The following KAZN variants were observed in gnomAD, a reference collection of about 807,000 sequenced individuals.
KAZN encodes kazrin.
In KAZN, 40 loss-of-function variants were observed where a neutral mutation model predicts 87.4. The ratio of observed to expected loss-of-function variants is 0.46; its 90% CI spans 0.36 to 0.60. KAZN has a LOEUF of 0.60. Among genes scored for constraint, KAZN ranks in the 20% least tolerant of loss-of-function variants. The pLI is 0.00. For synonymous variants in KAZN, 466 were observed against 458.3 expected (o/e 1.02, Z -0.22); for missense variants, 898 against 1,073.9 (o/e 0.84, Z 2.29).
At chr1:14,926,937 G>A (rs909517641) in intron 1 of KAZN, among the ~76,000 whole-genome samples, 1 of 152,168 alleles carries the variant, frequency 6.6e-6, no homozygotes, top group African/African-American at 2.4e-5. Context: ...TGGTGGGATG[G>A]AGGCCCGAAC....
chr1:14,474,957 T>C lies in KAZN; in HGVS notation c.250-124026T>C, dbSNP rs140154493. On this transcript the variant is annotated intron_variant, in intron 2 of 16. Transcript: ENST00000636203. ...TCATCAATGGATAGTGGGTGGATAT[T>C]GGATGGATGGATAGATGGATGAATG... is the stretch of plus-strand genomic sequence containing the variant. Among the ~76,000 whole-genome samples, 56 of 152,180 alleles carry C rather than the reference T, an allele frequency of 3.7e-4. 1 individual carries two copies. The East Asian group carries it at 0.011, about 29-fold the overall frequency.
chr1:14,364,942 T>C (rs1013586077), intron 2 of KAZN, among the ~76,000 whole-genome samples: 3 of 152,142 alleles, frequency 2.0e-5, no homozygotes, highest in Admixed American at 6.5e-5. Context: ...AGGTTCTGAC[T>C]ATGTTGGCCA....
intron 1 of KAZN, among the ~76,000 whole-genome samples, chr1:14,048,070 T>C (rs537355152): frequency 1.1e-4 from 17 of 152,286 alleles, no homozygotes; most frequent in African/African-American, 3.8e-4. Context: ...TCTCCAGCTG[T>C]GTGATCTGGA....
chr1:14,161,598 TG>T (rs1645711089), intron 1 of KAZN, among the ~76,000 whole-genome samples: 1 of 152,194 alleles, frequency 6.6e-6, no homozygotes, highest in South Asian at 2.1e-4. Flanking sequence ...AGACGTCAAA[TG>T]GACATTTCCA....
At chr1:13,998,233 A>G (rs1639616409) in intron 1 of KAZN, among the ~76,000 whole-genome samples, 1 of 152,192 alleles carries the variant, frequency 6.6e-6, no homozygotes, top group African/African-American at 2.4e-5. Context: ...AGCTCTAAAC[A>G]TGGAAAGGAA....
intron 1 of KAZN, among the ~76,000 whole-genome samples, chr1:14,741,062 C>T (rs562114900): frequency 6.6e-6 from 1 of 152,288 alleles, no homozygotes; most frequent in Admixed American, 6.5e-5. Flanking sequence ...TGCCCTCACT[C>T]TCTCCCTTGT....
At position 14,774,129 on chromosome 1, in the gene KAZN, G is replaced by A. The variant is rs115357122; in HGVS notation, c.226+174906G>A. On this transcript the variant is annotated intron_variant, in intron 1 of 14. Coordinates refer to ENST00000376030, the MANE Select transcript of KAZN (RefSeq NM_201628.3). ...AGCTCTTACCTCTTCCCTAAGCCTC[G>A]ACTTCTCTTTCTCTTCTCTCTCACC... Among the ~76,000 whole-genome samples, 1,040 of 152,168 alleles carry A rather than the reference G, an allele frequency of 6.8e-3. 7 individuals are homozygous for A. The highest frequency in any genetic ancestry group is 0.024 in the African/African-American group (989 of 41,518).
intron 1 of KAZN, among the ~76,000 whole-genome samples, chr1:13,996,537 T>C (rs1344239035): frequency 6.6e-6 from 1 of 152,208 alleles, no homozygotes; most frequent in East Asian, 1.9e-4. Context: ...CTGGATGGCT[T>C]GGTCCCAAGA....
intron 1 of KAZN, among the ~76,000 whole-genome samples, chr1:14,821,112 G>A (rs1646725890): frequency 6.6e-6 from 1 of 152,194 alleles, no homozygotes; most frequent in South Asian, 2.1e-4. Flanking sequence ...TGGGGAAGAA[G>A]TGAGCTTGAA....
chr1:14,652,481 G>GTCCATCCATCCACCCACCCA (rs1638460348), intron 1 of KAZN, among the ~76,000 whole-genome samples: 1 of 2,648 alleles, frequency 3.8e-4, no homozygotes. Flanking sequence ...CCACCCACCC[G>GTCCATCCATCCACCCACCCA]CCCATCCACC....
chr1:15,001,687 C>T (rs1668487935), intron 2 of KAZN, among the ~76,000 whole-genome samples: 1 of 151,936 alleles, frequency 6.6e-6, no homozygotes, highest in South Asian at 2.1e-4. Context: ...ACACGTGCCT[C>T]CTTCAACTGC....
chr1:14,763,182 T>A (rs994347826), intron 1 of KAZN, among the ~76,000 whole-genome samples: 10 of 152,178 alleles, frequency 6.6e-5, no homozygotes, highest in African/African-American at 2.4e-4. Flanking sequence ...CCATTAGGAA[T>A]GGGAGAGGGA....
chr1:15,085,390 C>T (rs963908333), intron 8 of KAZN, among the ~76,000 whole-genome samples: 4 of 152,174 alleles, frequency 2.6e-5, no homozygotes, highest in African/African-American at 9.7e-5. Context: ...TGCAGTGGCA[C>T]AATCTCGGCT....
At chr1:14,239,960 C>A (rs1648795007) in intron 2 of KAZN, among the ~76,000 whole-genome samples, 1 of 152,106 alleles carries the variant, frequency 6.6e-6, no homozygotes. Context: ...AAAGATGTAC[C>A]CAGCCCCAAA....
intron 1 of KAZN, among the ~76,000 whole-genome samples, chr1:14,853,308 C>T (rs1649682822): frequency 6.6e-6 from 1 of 152,148 alleles, no homozygotes; most frequent in African/African-American, 2.4e-5. Context: ...ACAGGAAGGG[C>T]ATCCAATGGG....
In KAZN at chr1:14,017,508, C is replaced by T. The variant is rs1443273161; in HGVS notation, c.91+123752C>T. On this transcript the variant is annotated intron_variant, in intron 1 of 16. Coordinates refer to the KAZN transcript ENST00000636203. ...AGTGCATTCTCTTAGCTTGTTTTTA[C>T]AGGCTCAAGGGGGATGAAAAGTGTG... Among the ~76,000 whole-genome samples, 3 of 152,316 alleles carry T rather than the reference C, an allele frequency of 2.0e-5. No individual in the cohort carries two copies. In the East Asian group the frequency reaches 5.8e-4, roughly 29 times the overall value.
chr1:14,557,670 T>A (rs1200909124), intron 2 of KAZN, among the ~76,000 whole-genome samples: 17 of 145,218 alleles, frequency 1.2e-4, no homozygotes, highest in African/African-American at 4.3e-4. Context: ...GTGTGTGGTG[T>A]GTGAGAGAGA....
chr1:14,210,940 G>A (rs952506785), intron 2 of KAZN, among the ~76,000 whole-genome samples: 3 of 151,936 alleles, frequency 2.0e-5, no homozygotes, highest in African/African-American at 7.3e-5. Context: ...AAACTCCACT[G>A]TACACTCATT....
At chr1:14,823,660 G>A (rs1309690414) in intron 1 of KAZN, among the ~76,000 whole-genome samples, 1 of 152,106 alleles carries the variant, frequency 6.6e-6, no homozygotes, top group Admixed American at 6.6e-5. Flanking sequence ...AAGAAAGAAG[G>A]GATACTTAAG....
Sources: gnomAD v4.1 joint callset for allele counts (sites outside exome capture counted in the v4.1 genomes callset) on GRCh38, gnomAD v4.1.1 for gene constraint, MANE v1.5 for transcripts, NCBI Gene and HGNC (gene_info 2026-07-23, HGNC 2026-07-21) for gene names.